NELL1: variants seen among roughly 807,000 people sequenced by gnomAD.
NELL1 encodes protein kinase C-binding protein NELL1.
A neutral mutation model predicts 107.4 loss-of-function variants in NELL1; 76 were observed. The observed-to-expected ratio is 0.71, with a 90% CI of 0.59 to 0.86. The LOEUF is 0.86. Ranked by LOEUF, NELL1 falls within the 40% of genes least tolerant of loss-of-function variation. NELL1 has a pLI of 0.00. For missense variants in NELL1, 1,024 were observed against 1,005.5 expected (o/e 1.02, Z -0.25); for synonymous variants, 353 against 341.2 (o/e 1.03, Z -0.38).
At chr11:21,309,284 A>ATATATATATATATATGTG (rs1849687041) in intron 14 of NELL1, among the ~76,000 whole-genome samples, 1 of 62,782 alleles carries the variant, frequency 1.6e-5, no homozygotes, top group South Asian at 8.2e-4. Flanking sequence ...ATATATGTAT[A>ATATATATATATATATGTG]TATATATATA....
rs1851345335 is a variant in NELL1 at position 21,370,902 on chromosome 11, C to G, written c.1599C>G (p.Asn533Lys). 1 of 1,611,764 alleles carries G rather than the reference C, an allele frequency of 6.2e-7. No homozygotes were observed. The highest frequency in any genetic ancestry group is 8.5e-7 in the Non-Finnish European group (1 of 1,178,816). The change falls in exon 15 of 20, where the codon AAC becomes AAG. Residue 533 changes from asparagine (N) to lysine (K), a missense_variant. Physicochemically the swap from Asn to Lys is moderately conservative, Grantham distance 94. Transcript: ENST00000357134. Reference protein sequence around the residue: ...CRYGGTCVAPNKCVCPSGFTG... With the variant: ...CRYGGTCVAPKKCVCPSGFTG... Reference sequence around the variant, plus strand: ...ACGGTGGAACGTGTGTGGCTCCCAACAAATGTGTCTGTCCATCTGGATTCA... The same window carrying G: ...ACGGTGGAACGTGTGTGGCTCCCAAGAAATGTGTCTGTCCATCTGGATTCA...
rs543901695 is a variant in NELL1, at chr11:20,731,978, C to T, written c.185-51702C>T. Reference sequence around the variant, plus strand: ...TCATGCAAAATCACTGGTGTGCTCTCTAAACCAACTTTTCTAGAGAAGCAT... The same window carrying T: ...TCATGCAAAATCACTGGTGTGCTCTTTAAACCAACTTTTCTAGAGAAGCAT... On this transcript the variant is annotated intron_variant, in intron 2 of 19. Transcript: ENST00000357134. Among the ~76,000 whole-genome samples, 5 of 152,290 alleles carry T rather than the reference C, an allele frequency of 3.3e-5. No individual in the cohort carries two copies. The East Asian group carries it at 7.7e-4, about 24-fold the overall frequency.
intron 2 of NELL1, among the ~76,000 whole-genome samples, chr11:20,738,047 A>G (rs1855801849): frequency 1.2e-5 from 1 of 81,434 alleles, no homozygotes; most frequent in Non-Finnish European, 2.6e-5. Context: ...TAAACGAAGT[A>G]GTGAAAAACA....
chr11:20,967,179 A>G (rs1034060826), intron 12 of NELL1, among the ~76,000 whole-genome samples: 2 of 152,188 alleles, frequency 1.3e-5, no homozygotes, highest in African/African-American at 2.4e-5. Flanking sequence ...GCCAGTTCAT[A>G]GAAGCCCAGG....
chr11:21,515,204 A>G (rs138771789), intron 15 of NELL1, among the ~76,000 whole-genome samples: 219 of 152,338 alleles, frequency 1.4e-3, no homozygotes, highest in African/African-American at 5.1e-3. Flanking sequence ...AACAATCTGT[A>G]GACTTCTCTG....
intron 13 of NELL1, among the ~76,000 whole-genome samples, chr11:21,203,227 A>C (rs1791849): frequency 0.66 from 100,627 of 151,946 alleles, 36,602 homozygotes; most frequent in Non-Finnish European, 0.81. Context: ...GAGGTGTTAA[A>C]GTCTCCCACT....
chr11:21,541,217 C>T (rs4923643), intron 16 of NELL1, among the ~76,000 whole-genome samples: 28,770 of 152,022 alleles, frequency 0.19, 3,456 homozygotes, highest in African/African-American at 0.33. Context: ...GCTATTCTTA[C>T]GGGACTGAAT....
At chr11:20,939,776 G>A (rs11025821) in intron 10 of NELL1, among the ~76,000 whole-genome samples, 1 of 152,086 alleles carries the variant, frequency 6.6e-6, no homozygotes, top group Admixed American at 6.5e-5. Flanking sequence ...ACGAGATACT[G>A]GTGCAGGAAG....
At chr11:20,814,215 C>G (rs1033432581) in intron 3 of NELL1, among the ~76,000 whole-genome samples, 1 of 152,074 alleles carries the variant, frequency 6.6e-6, no homozygotes, top group African/African-American at 2.4e-5. Flanking sequence ...AGGATGGTCT[C>G]GATCTCCTGA....
chr11:20,903,251 A>G (rs1849918122), intron 5 of NELL1, among the ~76,000 whole-genome samples: 1 of 152,066 alleles, frequency 6.6e-6, no homozygotes, highest in Admixed American at 6.6e-5. Flanking sequence ...CTCAGTTTAA[A>G]ACTGAACTCA....
At chr11:21,055,005 T>G (rs1853579781) in intron 12 of NELL1, among the ~76,000 whole-genome samples, 1 of 152,066 alleles carries the variant, frequency 6.6e-6, no homozygotes, top group African/African-American at 2.4e-5. Context: ...ATTTTATAGT[T>G]TAATTTTAAA....
intron 1 of NELL1, among the ~76,000 whole-genome samples, chr11:20,675,454 A>G (rs1431486487): frequency 2.0e-5 from 3 of 152,002 alleles, no homozygotes; most frequent in Non-Finnish European, 4.4e-5. Flanking sequence ...TCATGCATCA[A>G]CTCATTAGAT....
intron 14 of NELL1, among the ~76,000 whole-genome samples, chr11:21,349,588 TC>T (rs1460063451): frequency 2.6e-5 from 4 of 152,168 alleles, no homozygotes; most frequent in African/African-American, 9.6e-5. Flanking sequence ...TATTGTGTTT[TC>T]CTAGTAAAAT....
At chr11:21,459,254 C>A (rs192694696) in intron 15 of NELL1, among the ~76,000 whole-genome samples, 1 of 149,142 alleles carries the variant, frequency 6.7e-6, no homozygotes, top group Non-Finnish European at 1.5e-5. Context: ...TGTAGGTCCA[C>A]CAGTTCACAA....
chr11:21,442,482 G>A (rs1009329880), intron 15 of NELL1, among the ~76,000 whole-genome samples: 4 of 152,162 alleles, frequency 2.6e-5, no homozygotes, highest in Non-Finnish European at 5.9e-5. Flanking sequence ...CAGGAAGGAA[G>A]CCAGACTAAA....
chr11:21,348,939 T>C (rs1850742711), intron 14 of NELL1, among the ~76,000 whole-genome samples: 1 of 152,200 alleles, frequency 6.6e-6, no homozygotes, highest in African/African-American at 2.4e-5. Flanking sequence ...AATGGCTTCA[T>C]ATATCATGTC....
At chr11:20,785,797 G>A (rs1026614954) in intron 3 of NELL1, among the ~76,000 whole-genome samples, 1 of 152,122 alleles carries the variant, frequency 6.6e-6, no homozygotes, top group Non-Finnish European at 1.5e-5. Context: ...GATTGTGCAT[G>A]GTGAGTGGCC....
At chr11:20,873,121 C>T (rs1849236338) in intron 4 of NELL1, among the ~76,000 whole-genome samples, 1 of 152,108 alleles carries the variant, frequency 6.6e-6, no homozygotes, top group African/African-American at 2.4e-5. Flanking sequence ...AATTATCACC[C>T]ATTTGTGAGC....
intron 15 of NELL1, among the ~76,000 whole-genome samples, chr11:21,403,950 G>A (rs1852160772): frequency 6.8e-6 from 1 of 146,758 alleles, no homozygotes; most frequent in African/African-American, 2.5e-5. Flanking sequence ...CTTATGGACT[G>A]TATCCTCCTC....
Sources: allele counts gnomAD v4.1 joint callset (sites outside exome capture counted in the v4.1 genomes callset), GRCh38; gene constraint gnomAD v4.1.1; transcripts MANE v1.5; gene names NCBI Gene and HGNC (gene_info 2026-07-23, HGNC 2026-07-21).